GPC5: variants seen among roughly 807,000 people sequenced by gnomAD.
GPC5 encodes the protein glypican 5.
Under a neutral mutation model 53.9 loss-of-function variants are expected in GPC5, and 47 were observed. That is an observed-to-expected ratio of 0.87 (90% CI 0.69 to 1.11). The LOEUF (loss-of-function observed/expected upper bound fraction) is 1.11. Ranked by LOEUF, GPC5 falls within the 50% of genes most tolerant of loss-of-function variation. GPC5 has a pLI of 0.00. For missense variants in GPC5, 748 were observed against 713.1 expected, an observed-to-expected ratio of 1.05 and a Z score of -0.56; for synonymous variants, 286 against 263.3, an observed-to-expected ratio of 1.09 and a Z score of -0.84.
At chr13:91,803,533 TA>T (rs2038169080) in intron 5 of GPC5, among the ~76,000 whole-genome samples, 1 of 152,098 alleles carries the variant, frequency 6.6e-6, no homozygotes, top group African/African-American at 2.4e-5. Context: ...TTCACCATTA[TA>T]AAAAAGTTGC....
Position 91,779,714 on chromosome 13 carries a change from A to G in GPC5, c.1280+23294A>G, listed in dbSNP as rs999445848. On this transcript the variant is annotated intron_variant, in intron 5 of 7. Transcript: ENST00000377067. ...AAACAAAGACACAAACATACATATT[A>G]TCCTAGGCCTACAGGGTCAGAATGA... Among the ~76,000 whole-genome samples the G allele has an allele frequency of 1.2e-4, 19 of 152,086 alleles. 1 individual carries two copies. Among genetic ancestry groups the G allele is most frequent in the African/African-American group, 4.3e-4 (18 of 41,408 alleles).
intron 7 of GPC5, among the ~76,000 whole-genome samples, chr13:92,375,344 G>A (rs1476895146): frequency 6.6e-6 from 1 of 152,110 alleles, no homozygotes; most frequent in African/African-American, 2.4e-5. Context: ...GTGTGTCTTG[G>A]TCACTTGATA....
At chr13:91,589,492 C>CCT (rs2032719568) in intron 2 of GPC5, among the ~76,000 whole-genome samples, 2 of 152,058 alleles carry the variant, frequency 1.3e-5, no homozygotes, top group Non-Finnish European at 2.9e-5. Flanking sequence ...TGACCATCAC[C>CCT]CTCTCTCTCT....
chr13:92,600,653 A>G (rs1327106382), intron 7 of GPC5, among the ~76,000 whole-genome samples: 1 of 123,102 alleles, frequency 8.1e-6, no homozygotes, highest in African/African-American at 3.1e-5. Context: ...CCCCATCACC[A>G]CACCCAGCTA....
At chr13:92,080,084 G>A (rs1594755374) in intron 6 of GPC5, among the ~76,000 whole-genome samples, 6 of 152,290 alleles carry the variant, frequency 3.9e-5, no homozygotes, top group African/African-American at 1.4e-4. Context: ...AGAATTGGAG[G>A]CTATTAACTA....
intron 7 of GPC5, among the ~76,000 whole-genome samples, chr13:92,768,259 A>G (rs1168919651): frequency 1.3e-5 from 2 of 152,156 alleles, no homozygotes; most frequent in Non-Finnish European, 2.9e-5. Context: ...GTGATTATTG[A>G]TATCTTGTAG....
At chr13:92,136,874 T>G (rs1027298070) in intron 6 of GPC5, among the ~76,000 whole-genome samples, 1 of 152,168 alleles carries the variant, frequency 6.6e-6, no homozygotes, top group Non-Finnish European at 1.5e-5. Flanking sequence ...CTGAAAGAAG[T>G]ACATTTGCTT....
At chr13:92,291,122 C>G (rs2139183693) in intron 7 of GPC5, among the ~76,000 whole-genome samples, 1 of 152,290 alleles carries the variant, frequency 6.6e-6, no homozygotes, top group African/African-American at 2.4e-5. Context: ...ATGCCTGAGC[C>G]TCCCCACTGC....
At chr13:91,691,106 A>G (rs1186183301) in intron 2 of GPC5, among the ~76,000 whole-genome samples, 1 of 152,210 alleles carries the variant, frequency 6.6e-6, no homozygotes, top group East Asian at 1.9e-4. Context: ...CCGTTTTCAC[A>G]CTTTGTCCTG....
intron 7 of GPC5, among the ~76,000 whole-genome samples, chr13:92,443,460 TCAC>T (rs1877661314): frequency 6.6e-6 from 1 of 152,202 alleles, no homozygotes; most frequent in Non-Finnish European, 1.5e-5. Flanking sequence ...AGTTGTGAAA[TCAC>T]CAACTATGTT....
chr13:91,628,689 G>A (rs1043404020), intron 2 of GPC5, among the ~76,000 whole-genome samples: 3 of 152,094 alleles, frequency 2.0e-5, no homozygotes, highest in African/African-American at 7.2e-5. Context: ...GAATTTCTCT[G>A]TCTCAGTTGC....
intron 7 of GPC5, among the ~76,000 whole-genome samples, chr13:92,173,887 T>C (rs983307241): frequency 6.6e-6 from 1 of 151,944 alleles, no homozygotes; most frequent in African/African-American, 2.4e-5. Flanking sequence ...GGTGGATCAC[T>C]TGAGGTCAGG....
intron 7 of GPC5, among the ~76,000 whole-genome samples, chr13:92,812,745 A>C (rs1256781781): frequency 1.3e-5 from 2 of 151,944 alleles, no homozygotes; most frequent in Non-Finnish European, 2.9e-5. Flanking sequence ...AAAGCTAAAA[A>C]ATGAATTCAG....
At chr13:91,546,942 A>G (rs899088701) in intron 2 of GPC5, among the ~76,000 whole-genome samples, 1 of 152,072 alleles carries the variant, frequency 6.6e-6, no homozygotes, top group Non-Finnish European at 1.5e-5. Flanking sequence ...GGAATAAGGT[A>G]AGAATGGTGA....
chr13:92,714,036 A>C (rs541403043), intron 7 of GPC5, among the ~76,000 whole-genome samples: 1 of 152,310 alleles, frequency 6.6e-6, no homozygotes, highest in African/African-American at 2.4e-5. Context: ...TTTCATCTGC[A>C]CATTTCTTGT....
At chr13:92,760,189 A>G (rs1013882250) in intron 7 of GPC5, among the ~76,000 whole-genome samples, 5 of 152,090 alleles carry the variant, frequency 3.3e-5, no homozygotes, top group African/African-American at 9.7e-5. Flanking sequence ...GGTAATACTG[A>G]TCTTGCAAAA....
chr13:92,793,830 C>T (rs935551889), intron 7 of GPC5, among the ~76,000 whole-genome samples: 2 of 152,028 alleles, frequency 1.3e-5, no homozygotes, highest in Non-Finnish European at 2.9e-5. Flanking sequence ...CAAGACTAAA[C>T]CAGGAAGAAG....
At chr13:92,033,843 G>T (rs528049929) in intron 6 of GPC5, among the ~76,000 whole-genome samples, 62 of 152,272 alleles carry the variant, frequency 4.1e-4, no homozygotes, top group Non-Finnish European at 6.8e-4. Context: ...AGAAATCCCA[G>T]TAATTTACAA....
At chr13:92,286,153 CA>C (rs1403096177) in intron 7 of GPC5, among the ~76,000 whole-genome samples, 1 of 152,134 alleles carries the variant, frequency 6.6e-6, no homozygotes, top group Non-Finnish European at 1.5e-5. Context: ...CATCACTGGC[CA>C]TCAGAGAAAT....
Sources: allele counts gnomAD v4.1 joint callset (sites outside exome capture counted in the v4.1 genomes callset), GRCh38; gene constraint gnomAD v4.1.1; transcripts MANE v1.5; gene names NCBI Gene and HGNC (gene_info 2026-07-23, HGNC 2026-07-21).